The following LOC128706666 variants were observed in gnomAD, a reference collection of about 807,000 sequenced individuals.
the LOC128706666 span, among the ~76,000 whole-genome samples, chr20:10,418,929 A>C: frequency 3.3e-5 from 5 of 152,152 alleles, no homozygotes; most frequent in African/African-American, 1.2e-4. Context: ...TTTTATATAG[A>C]ATGTCCTAAA....
At chr20:10,416,478 TA>T in the LOC128706666 span, among the ~76,000 whole-genome samples, 3 of 150,354 alleles carry the variant, frequency 2.0e-5, no homozygotes, top group Non-Finnish European at 3.0e-5. Flanking sequence ...ACTTTAGCAT[TA>T]AAAAAAAACA....
At chr20:10,419,908 T>C in the LOC128706666 span, among the ~76,000 whole-genome samples, 6 of 152,222 alleles carry the variant, frequency 3.9e-5, no homozygotes, top group African/African-American at 1.4e-4. Context: ...TAACTGAAAC[T>C]GCAGAAAGCC....
At chr20:10,413,816 A>G in the LOC128706666 span, 3 of 522,100 alleles carry the variant, frequency 5.7e-6, no homozygotes, top group African/African-American at 5.7e-5. Context: ...AGTATGTTCC[A>G]AGATGGACAC....
At chr20:10,416,005 C>G in the LOC128706666 span, among the ~76,000 whole-genome samples, 2 of 152,172 alleles carry the variant, frequency 1.3e-5, no homozygotes, top group African/African-American at 4.8e-5. Context: ...AACCAAACCA[C>G]TGGGGCTGGT....
the LOC128706666 span, among the ~76,000 whole-genome samples, chr20:10,420,156 C>T: frequency 6.6e-6 from 1 of 151,768 alleles, no homozygotes; most frequent in African/African-American, 2.4e-5. Flanking sequence ...GAAATGAATA[C>T]AATTAGTTTT....
the LOC128706666 span, among the ~76,000 whole-genome samples, chr20:10,432,789 C>CAAAAAAAAA: frequency 1.6e-4 from 12 of 74,580 alleles, no homozygotes; most frequent in Non-Finnish European, 2.2e-4. Flanking sequence ...GACTCTTTGT[C>CAAAAAAAAA]AAAAAAAAAA....
the LOC128706666 span, among the ~76,000 whole-genome samples, chr20:10,424,869 T>C: frequency 2.0e-5 from 3 of 151,990 alleles, no homozygotes; most frequent in Admixed American, 2.0e-4. Context: ...CTGGCCAACA[T>C]GGTGAAACCC....
At chr20:10,427,255 A>G in the LOC128706666 span, among the ~76,000 whole-genome samples, 1 of 152,104 alleles carries the variant, frequency 6.6e-6, no homozygotes, top group Non-Finnish European at 1.5e-5. Context: ...GTTACATCAA[A>G]TGTTCTCATT....
the LOC128706666 span, among the ~76,000 whole-genome samples, chr20:10,417,673 A>T: frequency 1.5e-4 from 1 of 6,834 alleles, no homozygotes; most frequent in Non-Finnish European, 3.1e-4. Flanking sequence ...CTTCTCTGTA[A>T]AAAAAAAAAA....
chr20:10,427,588 T>C, the LOC128706666 span, among the ~76,000 whole-genome samples: 13 of 152,354 alleles, frequency 8.5e-5, no homozygotes, highest in African/African-American at 3.1e-4. Flanking sequence ...TTTTTTATCC[T>C]CAATTTTTAA....
At chr20:10,420,158 A>C in the LOC128706666 span, among the ~76,000 whole-genome samples, 2 of 152,200 alleles carry the variant, frequency 1.3e-5, no homozygotes, top group Non-Finnish European at 2.9e-5. Context: ...AATGAATACA[A>C]TTAGTTTTGT....
the LOC128706666 span, among the ~76,000 whole-genome samples, chr20:10,429,071 C>T: frequency 6.6e-6 from 1 of 152,188 alleles, no homozygotes; most frequent in South Asian, 2.1e-4. Context: ...GGCAACTGCC[C>T]TTTACCATCT....
chr20:10,426,143 A>G, the LOC128706666 span, among the ~76,000 whole-genome samples: 1 of 152,228 alleles, frequency 6.6e-6, no homozygotes, highest in East Asian at 1.9e-4. Flanking sequence ...AGATCATTTT[A>G]TAAATGAAGA....
At chr20:10,418,246 G>C in the LOC128706666 span, among the ~76,000 whole-genome samples, 1 of 152,202 alleles carries the variant, frequency 6.6e-6, no homozygotes. Flanking sequence ...GATAAAAGAA[G>C]ACTGGCAAAA....
At chr20:10,418,832 G>C in the LOC128706666 span, among the ~76,000 whole-genome samples, 1 of 151,982 alleles carries the variant, frequency 6.6e-6, no homozygotes, top group African/African-American at 2.4e-5. Context: ...TTACTAGTCT[G>C]AAAGACTATA....
the LOC128706666 span, among the ~76,000 whole-genome samples, chr20:10,422,585 T>C: frequency 1.3e-5 from 2 of 152,192 alleles, no homozygotes; most frequent in African/African-American, 4.8e-5. Flanking sequence ...GATTGACATA[T>C]GGCATTCTTG....
the LOC128706666 span, chr20:10,413,751 T>C: frequency 1.2e-5 from 7 of 594,314 alleles, no homozygotes; most frequent in Non-Finnish European, 2.1e-5. Flanking sequence ...TTCAATACTC[T>C]TTTGTTTGCT....
the LOC128706666 span, among the ~76,000 whole-genome samples, chr20:10,432,293 TC>T: frequency 6.6e-6 from 1 of 152,230 alleles, no homozygotes; most frequent in Non-Finnish European, 1.5e-5. Context: ...CTTCCTTTCT[TC>T]CTTGGTAATC....
the LOC128706666 span, among the ~76,000 whole-genome samples, chr20:10,418,147 T>C: frequency 6.6e-6 from 1 of 152,258 alleles, no homozygotes; most frequent in Non-Finnish European, 1.5e-5. Flanking sequence ...TTATTCTTAC[T>C]GTTAAAGACA....
Sources: gnomAD v4.1 joint callset for allele counts (sites outside exome capture counted in the v4.1 genomes callset) on GRCh38, gnomAD v4.1.1 for gene constraint, MANE v1.5 for transcripts.